Variants in FOXK1 observed in about 807,000 individuals in gnomAD.
The protein encoded by FOXK1 is forkhead box protein K1.
A neutral mutation model predicts 51.9 loss-of-function variants in FOXK1; 19 were observed. That is an observed-to-expected ratio of 0.37 (90% CI 0.26 to 0.54). The LOEUF (loss-of-function observed/expected upper bound fraction) is 0.54. Among genes scored for constraint, FOXK1 ranks in the 20% least tolerant of loss-of-function variants. FOXK1 has a pLI of 0.87. For missense variants in FOXK1, 870 were observed against 1,032.7 expected (o/e 0.84, Z 2.16); for synonymous variants, 537 against 482.6 (o/e 1.11, Z -1.48).
chr7:4,704,465 A>AAG (rs1780057433), intron 1 of FOXK1, among the ~76,000 whole-genome samples: 2 of 151,672 alleles, frequency 1.3e-5, no homozygotes, highest in African/African-American at 2.4e-5. Flanking sequence ...AAAAAAAAAA[A>AAG]AAAGAAAAGA....
intron 1 of FOXK1, among the ~76,000 whole-genome samples, chr7:4,728,437 C>T (rs1780408336): frequency 6.6e-6 from 1 of 152,202 alleles, no homozygotes; most frequent in Admixed American, 6.5e-5. Flanking sequence ...TATGCATTCA[C>T]CTCCTGGGAG....
At chr7:4,712,260 G>A (rs1479281440) in intron 1 of FOXK1, among the ~76,000 whole-genome samples, 2 of 152,050 alleles carry the variant, frequency 1.3e-5, no homozygotes, top group Non-Finnish European at 2.9e-5. Context: ...TAATGGACTT[G>A]GAAACGATTT....
At position 4,757,062 on chromosome 7, in the gene FOXK1, T is replaced by C. The variant is rs1372292807; in HGVS notation, c.1119T>C (p.Pro373=). The change falls in exon 5 of 9, where the codon CCT becomes CCC. Residue 373 remains proline (P), a synonymous_variant. Transcript: ENST00000328914. ...AAGTCCCACGTTCCCAGGAGGAGCCTGGGAAGGGGTCCTTTTGGCGAATAG... is the reference window on the plus strand; with the variant it reads ...AAGTCCCACGTTCCCAGGAGGAGCCCGGGAAGGGGTCCTTTTGGCGAATAG... ...FIKVPRSQEE[P]GKGSFWRIDP... 6.2e-7 allele frequency: 1 copy of C among 1,613,924 alleles called. No individual in the cohort carries two copies. Among genetic ancestry groups the C allele is most frequent in the South Asian group, 1.1e-5 (1 of 91,086 alleles).
intron 2 of FOXK1, among the ~76,000 whole-genome samples, chr7:4,752,555 T>A (rs559059228): frequency 1.2e-4 from 19 of 152,342 alleles, no homozygotes; most frequent in South Asian, 1.0e-3. Flanking sequence ...GGGGTGCCCC[T>A]CATTGGTCCT....
rs1016585635 is a variant in FOXK1, at chr7:4,734,683, A to G, written c.561-6155A>G. The stretch of plus-strand genomic sequence containing the variant: ...TTCTCCTGCGCCATTGTCTGCTGAT[A>G]GCTGGGCTCAGCTCTGGAAGCTTGG... On this transcript the variant is annotated intron_variant, in intron 1 of 8. Transcript: ENST00000328914. This position sits in a 1 kb window ranked among gnomAD's most constrained non-coding sequence, Gnocchi z 5.2. Among the ~76,000 whole-genome samples, 3 of 152,182 alleles carry G rather than the reference A, an allele frequency of 2.0e-5. No homozygotes were observed. The highest frequency in any genetic ancestry group is 7.2e-5 in the African/African-American group (3 of 41,444).
At position 4,745,204 on chromosome 7, in the gene FOXK1, G is replaced by A. The variant is rs528113279; in HGVS notation, c.746+4181G>A. On this transcript the variant is annotated intron_variant, in intron 2 of 8. Coordinates refer to ENST00000328914, the MANE Select transcript of FOXK1 (RefSeq NM_001037165.2). This position sits in a 1 kb window ranked among gnomAD's most constrained non-coding sequence, Gnocchi z 4.3. ...CCTCCCAGTGCCGCCCCGCCCCCGC[G>A]GTGCCTGCCTTCCTAATTTGGTGTG... 2.6e-5 allele frequency among the ~76,000 whole-genome samples: 4 copies of A among 152,274 alleles called. No individual in the cohort carries two copies. Among genetic ancestry groups the A allele is most frequent in the South Asian group, 4.2e-4 (2 of 4,818 alleles).
rs1487288702 is a variant in FOXK1, at chr7:4,683,782, C to T, written c.560+914C>T. Among the ~76,000 whole-genome samples, 1 of 152,182 alleles carries T rather than the reference C, an allele frequency of 6.6e-6. No homozygotes were observed. Among genetic ancestry groups the T allele is most frequent in the African/African-American group, 2.4e-5 (1 of 41,454 alleles). On this transcript the variant is annotated intron_variant, in intron 1 of 8. Transcript: ENST00000328914. The surrounding 1 kb of genome is among the most constrained non-coding windows in gnomAD (Gnocchi z 4.5). The stretch of plus-strand genomic sequence containing the variant: ...CATCCAGTCTGGGTCCTGGGGGACC[C>T]CAACACACTCACCCAGGACAGTGGG...
Position 4,733,391 on chromosome 7 carries a change from T to C in FOXK1, c.561-7447T>C, listed in dbSNP as rs1162544963. Among the ~76,000 whole-genome samples the C allele has an allele frequency of 6.6e-6, 1 of 152,172 alleles. No homozygotes were observed. Among genetic ancestry groups the C allele is most frequent in the African/African-American group, 2.4e-5 (1 of 41,438 alleles). On this transcript the variant is annotated intron_variant, in intron 1 of 8. Transcript: ENST00000328914. This position sits in a 1 kb window ranked among gnomAD's most constrained non-coding sequence, Gnocchi z 5.0. ...CACCAGACTTTTTCTATTACGTTGC[T>C]TGTTGCTCCGTTATGCAGTGTGCCT...
Position 4,682,653 on chromosome 7 carries a change from G to C in FOXK1, c.345G>C (p.Glu115Asp), listed in dbSNP as rs763811279. Residue 115 changes from glutamate to aspartate, a missense_variant, in exon 1 of 9, where the codon GAG becomes GAC. Transcript: ENST00000328914. The surrounding 1 kb of genome is among the most constrained non-coding windows in gnomAD (Gnocchi z 7.6). ...ALARLEGREF[E>D]FLMRQPSVTI... The stretch of plus-strand genomic sequence containing the variant: ...CGCGGCTGGAGGGCCGCGAGTTCGA[G>C]TTCCTCATGCGCCAGCCCAGCGTCA... 5.1e-6 allele frequency: 8 copies of C among 1,571,036 alleles called. No individual in the cohort carries two copies. In the South Asian group the frequency reaches 9.2e-5, roughly 18 times the overall value.
intron 1 of FOXK1, among the ~76,000 whole-genome samples, chr7:4,727,799 A>G (rs1780399798): frequency 6.6e-6 from 1 of 152,224 alleles, no homozygotes; most frequent in Admixed American, 6.5e-5. Context: ...TACCAGAGTA[A>G]ACGAGATTAT....
intron 1 of FOXK1, among the ~76,000 whole-genome samples, chr7:4,692,014 TTG>T (rs1319542348): frequency 6.6e-6 from 1 of 152,222 alleles, no homozygotes; most frequent in East Asian, 1.9e-4. Context: ...CCAAAGAGCT[TTG>T]GTTTATATGA....
rs1251534991 is a variant in FOXK1, at chr7:4,687,184, G to A, written c.560+4316G>A. ...CCTGACCTCATGATCCACCCTCCTC[G>A]GCCTTCCAAAGTGCTGGGATTACAG... On this transcript the variant is annotated intron_variant, in intron 1 of 8. Coordinates refer to ENST00000328914, the MANE Select transcript of FOXK1 (RefSeq NM_001037165.2). Among the ~76,000 whole-genome samples, 3 of 151,786 alleles carry A rather than the reference G, an allele frequency of 2.0e-5. No individual in the cohort carries two copies. In the South Asian group the frequency reaches 6.2e-4, roughly 32 times the overall value.
chr7:4,699,426 TG>T (rs1480859675), intron 1 of FOXK1, among the ~76,000 whole-genome samples: 1 of 150,982 alleles, frequency 6.6e-6, no homozygotes, highest in East Asian at 1.9e-4. Flanking sequence ...CGGAGTGCAG[TG>T]ACACGATCTC....
chr7:4,757,297 T>C lies in FOXK1; in HGVS notation c.1244+110T>C, dbSNP rs549183008. ...TCCGGATCTGTGGGCTCAGGCTCAGTGTACGGGCATGCAACTGATCACAGG... is the reference window on the plus strand; with the variant it reads ...TCCGGATCTGTGGGCTCAGGCTCAGCGTACGGGCATGCAACTGATCACAGG... On this transcript the variant is annotated intron_variant, in intron 5 of 8. Transcript: ENST00000328914. 7 of 958,704 alleles carry C rather than the reference T, an allele frequency of 7.3e-6. No individual in the cohort carries two copies. The African/African-American group carries it at 9.9e-5, about 13-fold the overall frequency. The allele number at this position is 958,704 out of a possible 1,614,324, so 59.4% of individuals were successfully genotyped here.
intron 1 of FOXK1, among the ~76,000 whole-genome samples, chr7:4,687,786 A>T (rs967607142): frequency 6.6e-6 from 1 of 152,104 alleles, no homozygotes; most frequent in East Asian, 1.9e-4. Context: ...TGAGAACAAG[A>T]CTTCTGTTTG....
At chr7:4,740,336 A>C (rs1304039569) in intron 1 of FOXK1, among the ~76,000 whole-genome samples, 1 of 152,050 alleles carries the variant, frequency 6.6e-6, no homozygotes, top group African/African-American at 2.4e-5. Flanking sequence ...AGGCTGAGGC[A>C]GGAGAATGGT....
chr7:4,711,947 G>T lies in FOXK1; in HGVS notation c.561-28891G>T, dbSNP rs1470995107. On this transcript the variant is annotated intron_variant, in intron 1 of 8. Coordinates refer to ENST00000328914, the MANE Select transcript of FOXK1 (RefSeq NM_001037165.2). This position sits in a 1 kb window ranked among gnomAD's most constrained non-coding sequence, Gnocchi z 6.3. ...GGGCAGGGACTCCGGGGGAGGGGCA[G>T]AGGGCAGGTGCCGCCGAGCAGGAGG... is the stretch of plus-strand genomic sequence containing the variant. 6.6e-6 allele frequency among the ~76,000 whole-genome samples: 1 copy of T among 152,184 alleles called. No individual in the cohort carries two copies. The highest frequency in any genetic ancestry group is 2.1e-4 in the South Asian group (1 of 4,836).
At chr7:4,716,725 T>C (rs1780239758) in intron 1 of FOXK1, among the ~76,000 whole-genome samples, 2 of 152,158 alleles carry the variant, frequency 1.3e-5, no homozygotes, top group Admixed American at 6.5e-5. Flanking sequence ...GAGGTGCTCC[T>C]TGGAAGCTGT....
chr7:4,751,518 C>T (rs185314805), intron 2 of FOXK1, among the ~76,000 whole-genome samples: 2 of 152,206 alleles, frequency 1.3e-5, no homozygotes, highest in Non-Finnish European at 2.9e-5. Flanking sequence ...CACTTTACAG[C>T]TCTTAGCGGC....
Sources: allele counts gnomAD v4.1 joint callset (sites outside exome capture counted in the v4.1 genomes callset), GRCh38; gene constraint gnomAD v4.1.1; non-coding constraint Gnocchi (gnomAD v3.1); transcripts MANE v1.5; gene names NCBI Gene and HGNC (gene_info 2026-07-23, HGNC 2026-07-21).